The following CAMK4 variants were observed in gnomAD, a reference collection of about 807,000 sequenced individuals.
CAMK4 encodes the protein calcium/calmodulin dependent protein kinase IV.
A neutral mutation model predicts 44.9 loss-of-function variants in CAMK4; 22 were observed. That is an observed-to-expected ratio of 0.49 (90% CI 0.35 to 0.70). The LOEUF (loss-of-function observed/expected upper bound fraction) is 0.70, where lower values mean the gene tolerates loss of function less well. CAMK4 is among the 30% of genes least tolerant of loss of function. The probability of loss-of-function intolerance (pLI) is 0.01; values close to 1 mark genes in which losing one functional copy is unlikely to be tolerated. For synonymous variants in CAMK4, 218 were observed against 215.4 expected (o/e 1.01, Z -0.11); for missense variants, 498 against 586.8 (o/e 0.85, Z 1.56).
At chr5:111,309,457 T>TTTGTTG (rs142206693) in intron 1 of CAMK4, among the ~76,000 whole-genome samples, 1 of 152,086 alleles carries the variant, frequency 6.6e-6, no homozygotes, top group Non-Finnish European at 1.5e-5. Flanking sequence ...TGTGCCCATT[T>TTTGTTG]TTGTTGTTGT....
At chr5:111,441,305 G>A (rs943362221) in intron 5 of CAMK4, among the ~76,000 whole-genome samples, 1 of 152,064 alleles carries the variant, frequency 6.6e-6, no homozygotes, top group Non-Finnish European at 1.5e-5. Flanking sequence ...CAACTACTCT[G>A]CAGATAAAAT....
At chr5:111,457,115 T>C (rs1754443693) in intron 7 of CAMK4, among the ~76,000 whole-genome samples, 1 of 152,212 alleles carries the variant, frequency 6.6e-6, no homozygotes, top group African/African-American at 2.4e-5. Context: ...CAAGTTTCTT[T>C]GGATAGCTAT....
At chr5:111,388,744 A>G (rs1043348101) in intron 4 of CAMK4, among the ~76,000 whole-genome samples, 3 of 152,228 alleles carry the variant, frequency 2.0e-5, no homozygotes, top group African/African-American at 7.2e-5. Context: ...TGGCCAGCAC[A>G]TAACAGTCTC....
chr5:111,253,518 A>G lies in CAMK4; in HGVS notation c.161+28874A>G, dbSNP rs114760511. Among the ~76,000 whole-genome samples, 572 of 152,316 alleles carry G rather than the reference A, an allele frequency of 3.8e-3. 3 individuals are homozygous for G. Among genetic ancestry groups the G allele is most frequent in the African/African-American group, 0.013 (560 of 41,558 alleles). ...TGTTCTGTTTCTTACTTTTCATTTA[A>G]AAAGAAGCAGAAAGAGAAGCACCAT... On this transcript the variant is annotated intron_variant, in intron 1 of 10. Transcript: ENST00000282356.
At chr5:111,251,104 C>A (rs888953081) in intron 1 of CAMK4, among the ~76,000 whole-genome samples, 1 of 152,192 alleles carries the variant, frequency 6.6e-6, no homozygotes, top group African/African-American at 2.4e-5. Context: ...ATTGCTGTAT[C>A]TGTTAGAGTT....
chr5:111,274,123 C>T (rs1358714454), intron 1 of CAMK4, among the ~76,000 whole-genome samples: 2 of 152,014 alleles, frequency 1.3e-5, no homozygotes, highest in Non-Finnish European at 2.9e-5. Context: ...CCACCTGTCT[C>T]CTTGACTGAG....
chr5:111,391,580 T>G (rs1751801357), intron 4 of CAMK4, among the ~76,000 whole-genome samples: 2 of 151,084 alleles, frequency 1.3e-5, no homozygotes, highest in African/African-American at 2.4e-5. Context: ...TTAAGAAAAC[T>G]GTAGGACAAC....
rs755820987 is a variant in CAMK4, at chr5:111,449,483, G to A, written c.625+280G>A. ...CAGCAGAAAGACCATCACCACAGAG[G>A]GCAAGGAAACACCATCGTTTATAGT... On this transcript the variant is annotated intron_variant, in intron 7 of 10. Transcript: ENST00000282356. 21 of 235,354 alleles carry A rather than the reference G, an allele frequency of 8.9e-5. 1 individual carries two copies. The highest frequency in any genetic ancestry group is 6.3e-4 in the South Asian group (4 of 6,342). 14.6% of individuals were successfully genotyped at this position (235,354 alleles called of 1,614,324 possible). A position where few individuals can be genotyped will look rare whatever the true frequency, so the allele number is the denominator to read the frequency against.
At chr5:111,371,642 A>G (rs962308111) in intron 2 of CAMK4, among the ~76,000 whole-genome samples, 3 of 152,214 alleles carry the variant, frequency 2.0e-5, no homozygotes, top group Non-Finnish European at 2.9e-5. Context: ...TTACTCAGAC[A>G]TTCTAAAATT....
chr5:111,293,067 G>A (rs779078756), intron 1 of CAMK4, among the ~76,000 whole-genome samples: 1 of 152,118 alleles, frequency 6.6e-6, no homozygotes, highest in Non-Finnish European at 1.5e-5. Flanking sequence ...ACAGAGAAAG[G>A]GCTTGATTTT....
chr5:111,411,789 A>G (rs1297561847), intron 5 of CAMK4, among the ~76,000 whole-genome samples: 1 of 152,358 alleles, frequency 6.6e-6, no homozygotes, highest in African/African-American at 2.4e-5. Context: ...GGTAAAGAGG[A>G]ATAAAAAATA....
At chr5:111,450,569 C>A (rs1443168445) in intron 7 of CAMK4, among the ~76,000 whole-genome samples, 1 of 117,856 alleles carries the variant, frequency 8.5e-6, no homozygotes, top group Non-Finnish European at 1.8e-5. Flanking sequence ...GGGTGGATCA[C>A]CTGGGGTCAG....
intron 1 of CAMK4, among the ~76,000 whole-genome samples, chr5:111,267,703 C>CAAAAAAAAA (rs59699712): frequency 1.4e-5 from 1 of 71,734 alleles, no homozygotes; most frequent in African/African-American, 5.9e-5. Flanking sequence ...GACTCCGTCT[C>CAAAAAAAAA]AAAAAAAAAA....
At chr5:111,289,597 C>T (rs762827631) in intron 1 of CAMK4, among the ~76,000 whole-genome samples, 1 of 152,192 alleles carries the variant, frequency 6.6e-6, no homozygotes, top group Non-Finnish European at 1.5e-5. Context: ...ATTTGCCACA[C>T]CATTTATTCT....
chr5:111,292,188 C>T (rs1747293460), intron 1 of CAMK4, among the ~76,000 whole-genome samples: 1 of 152,168 alleles, frequency 6.6e-6, no homozygotes, highest in African/African-American at 2.4e-5. Context: ...AACGTGTCCT[C>T]ATAATTATCT....
chr5:111,466,324 A>G lies in CAMK4; in HGVS notation c.626-6987A>G, dbSNP rs145542497. Among the ~76,000 whole-genome samples, 133 of 152,324 alleles carry G rather than the reference A, an allele frequency of 8.7e-4. 1 individual carries two copies. The highest frequency in any genetic ancestry group is 1.4e-3 in the Non-Finnish European group (95 of 68,026). On this transcript the variant is annotated intron_variant, in intron 7 of 10. Coordinates refer to ENST00000282356, the MANE Select transcript of CAMK4 (RefSeq NM_001744.6). ...ATGCCCACTGTCACAACTTCTATTC[A>G]TCATAGTACTGGAAGTCCTAGCCAG...
At chr5:111,252,366 T>A (rs1376380309) in intron 1 of CAMK4, among the ~76,000 whole-genome samples, 1 of 152,154 alleles carries the variant, frequency 6.6e-6, no homozygotes, top group Non-Finnish European at 1.5e-5. Flanking sequence ...CTTATACATT[T>A]TTGTTTAGTA....
intron 5 of CAMK4, among the ~76,000 whole-genome samples, chr5:111,422,607 A>G (rs1434516918): frequency 6.6e-6 from 1 of 152,192 alleles, no homozygotes; most frequent in East Asian, 1.9e-4. Flanking sequence ...GTCTGTTTAA[A>G]TCAAAGCAGA....
rs182676885 is a variant in CAMK4, at chr5:111,259,105, G to A, written c.161+34461G>A. Among the ~76,000 whole-genome samples the A allele has an allele frequency of 2.2e-3, 334 of 152,152 alleles. 1 individual carries two copies. The highest frequency in any genetic ancestry group is 7.6e-3 in the African/African-American group (316 of 41,512). On this transcript the variant is annotated intron_variant, in intron 1 of 10. Transcript: ENST00000282356. ...CACCCTTCTCCCAATGAAATAAAAGGACACATAGTCATAGAGCAAGAACCC... is the reference window on the plus strand; with the variant it reads ...CACCCTTCTCCCAATGAAATAAAAGAACACATAGTCATAGAGCAAGAACCC...
Sources: gnomAD v4.1 joint callset for allele counts (sites outside exome capture counted in the v4.1 genomes callset) on GRCh38, gnomAD v4.1.1 for gene constraint, MANE v1.5 for transcripts, NCBI Gene and HGNC (gene_info 2026-07-23, HGNC 2026-07-21) for gene names.